The following MED21 variants were observed in gnomAD, a reference collection of about 807,000 sequenced individuals.
MED21 encodes the protein mediator complex subunit 21, also known as mediator of RNA polymerase II transcription subunit 21.
Under a neutral mutation model 18.2 loss-of-function variants are expected in MED21, and 9 were observed. The ratio of observed to expected loss-of-function variants is 0.49; its 90% confidence interval spans 0.30 to 0.86. The LOEUF is 0.86. Ranked by LOEUF, MED21 falls within the 40% of genes least tolerant of loss-of-function variation. The pLI, the probability that MED21 is intolerant of heterozygous loss-of-function variation, is 0.07. For synonymous variants in MED21, 73 were observed against 60.5 expected, an observed-to-expected ratio of 1.21 and a Z score of -0.96; for missense variants, 150 against 170.9, an observed-to-expected ratio of 0.88 and a Z score of 0.68.
At chr12:27,025,428 T>C (rs74072701) in intron 1 of MED21, among the ~76,000 whole-genome samples, 4,119 of 152,262 alleles carry the variant, frequency 0.027, 194 homozygotes, top group African/African-American at 0.095. Flanking sequence ...AAGACAGTGG[T>C]GGAGTAAGCT....
intron 2 of MED21, among the ~76,000 whole-genome samples, chr12:27,026,861 A>G (rs924194376): frequency 2.0e-5 from 3 of 152,258 alleles, no homozygotes; most frequent in Non-Finnish European, 4.4e-5. Flanking sequence ...ATGAAATTAC[A>G]TACATTATGC....
downstream of MED21, among the ~76,000 whole-genome samples, chr12:27,034,627 G>GA (rs2136496503): frequency 6.6e-6 from 1 of 152,156 alleles, no homozygotes; most frequent in African/African-American, 2.4e-5. Flanking sequence ...TTTTAGTAGA[G>GA]ATGGGGTTTT....
chr12:27,022,728 G>A, intron 1 of MED21, 107 bp downstream of exon 1: 1 of 1,595,088 alleles, frequency 6.3e-7, no homozygotes, highest in Non-Finnish European at 8.5e-7. Context: ...CGGACTGAGA[G>A]ACAGGGCTTC....
rs1178214210 is a variant in MED21, at chr12:27,025,019, C to G, written c.43-1401C>G. On this transcript the variant is annotated intron_variant, in intron 1 of 3. Coordinates refer to ENST00000282892, the MANE Select transcript of MED21 (RefSeq NM_004264.5). The stretch of plus-strand genomic sequence containing the variant: ...AAGCTATGTCGCATTCACTATGTCT[C>G]TGTAGTGTTTATATGCAGTACTTTA... 2.6e-5 allele frequency among the ~76,000 whole-genome samples: 4 copies of G among 152,260 alleles called. No individual in the cohort carries two copies. In the East Asian group the frequency reaches 5.8e-4, roughly 22 times the overall value.
downstream of MED21, among the ~76,000 whole-genome samples, chr12:27,031,597 GAGAACAAATTCC>G (rs1489336236): frequency 8.7e-4 from 133 of 152,062 alleles, no homozygotes; most frequent in African/African-American, 3.0e-3. Context: ...AGTCAGATCA[GAGAACAAATTCC>G]AGATTTCCAT....
intron 1 of MED21, among the ~76,000 whole-genome samples, chr12:27,023,303 T>TTTTTC (rs1555110764): frequency 1.4e-5 from 2 of 143,018 alleles, no homozygotes; most frequent in Non-Finnish European, 1.5e-5. Context: ...TTCTTTTCTT[T>TTTTTC]TTTTTTTTTT....
At position 27,030,396 on chromosome 12, in the gene MED21, T is replaced by A; in HGVS notation, c.*1935T>A. 1 of 392,516 alleles carries A rather than the reference T, an allele frequency of 2.5e-6. No individual in the cohort carries two copies. The highest frequency in any genetic ancestry group is 4.5e-6 in the Non-Finnish European group (1 of 222,864). The allele number at this position is 392,516 out of a possible 1,614,324, so 24.3% of individuals were successfully genotyped here. A position where few individuals can be genotyped will look rare whatever the true frequency, so the allele number is the denominator to read the frequency against. ...GATATTAATACTATACAGTAGACTATAAGAAATTAAGTATTTGTATCATCC... is the reference window on the plus strand; with the variant it reads ...GATATTAATACTATACAGTAGACTAAAAGAAATTAAGTATTTGTATCATCC... On this transcript the variant is annotated 3_prime_UTR_variant, in exon 4 of 4. Coordinates refer to ENST00000282892, the MANE Select transcript of MED21 (RefSeq NM_004264.5).
chr12:27,033,019 T>G (rs140431859), downstream of MED21, among the ~76,000 whole-genome samples: 13 of 152,226 alleles, frequency 8.5e-5, 1 homozygote, highest in African/African-American at 3.1e-4. Flanking sequence ...TGTTTATTCC[T>G]CCCTGTAAGA....
At chr12:27,022,806 G>A in intron 1 of MED21, 185 bp downstream of exon 1, 1 of 1,512,528 alleles carries the variant, frequency 6.6e-7, no homozygotes, top group Non-Finnish European at 8.8e-7. Flanking sequence ...GCCGGGCGGT[G>A]CTTGAAGGTG....
chr12:27,037,395 A>T (rs1258433117), intron 2 of MED21: 1 of 151,976 alleles, frequency 6.6e-6, no homozygotes, highest in African/African-American at 2.4e-5. Flanking sequence ...AACAGGGACA[A>T]TTTGACTTCC....
In MED21 at chr12:27,030,523, G is replaced by A. The variant is rs73091125; in HGVS notation, c.*2062G>A. 0.25 allele frequency: 63,279 copies of A among 257,546 alleles called. 9,499 individuals carry two copies. The highest frequency in any genetic ancestry group is 0.33 in the Non-Finnish European group (45,795 of 138,460). 16.0% of individuals were successfully genotyped at this position (257,546 alleles called of 1,614,324 possible). A position where few individuals can be genotyped will look rare whatever the true frequency, so the allele number is the denominator to read the frequency against. On this transcript the variant is annotated 3_prime_UTR_variant, in exon 4 of 4. Coordinates refer to ENST00000282892, the MANE Select transcript of MED21 (RefSeq NM_004264.5). Reference sequence around the variant, plus strand: ...AAAAAGATTCAGGTAACCCAGGAACGAGAAACAGAATAAAACAATAGTAAA... The same window carrying A: ...AAAAAGATTCAGGTAACCCAGGAACAAGAAACAGAATAAAACAATAGTAAA...
rs1385894273 is a variant in MED21 at position 27,029,061 on chromosome 12, C to G, written c.*600C>G. The G allele has an allele frequency of 1.0e-6, 1 of 985,404 alleles. No homozygotes were observed. Among genetic ancestry groups the G allele is most frequent in the Non-Finnish European group, 1.2e-6 (1 of 829,918 alleles). 61.0% of individuals were successfully genotyped at this position (985,404 alleles called of 1,614,324 possible). ...TCCACGTTTATTTTACCAAGAGATC[C>G]TCTGTCAAGAGAATTTCCTGGCTGT... On this transcript the variant is annotated 3_prime_UTR_variant, in exon 4 of 4. Transcript: ENST00000282892.
intron 2 of MED21, chr12:27,038,517 T>C (rs1941662749): frequency 6.6e-6 from 1 of 152,182 alleles, no homozygotes; most frequent in Non-Finnish European, 1.5e-5. Context: ...AAGATTCCAA[T>C]TGGGATTTCT....
At chr12:27,033,765 A>G (rs145108860), downstream of MED21, among the ~76,000 whole-genome samples, 33 of 152,376 alleles carry the variant, frequency 2.2e-4, no homozygotes, top group African/African-American at 7.2e-4. Context: ...AGTCAAAAGA[A>G]GAAATCAGAA....
downstream of MED21, among the ~76,000 whole-genome samples, chr12:27,032,247 C>A (rs528428233): frequency 6.6e-6 from 1 of 152,222 alleles, no homozygotes; most frequent in East Asian, 1.9e-4. Context: ...AAGTTACTAT[C>A]GTAACTGGTC....
Position 27,029,531 on chromosome 12 carries a change from G to A in MED21, c.*1070G>A. 1.0e-6 allele frequency: 1 copy of A among 985,374 alleles called. No individual in the cohort carries two copies. Among genetic ancestry groups the A allele is most frequent in the Non-Finnish European group, 1.2e-6 (1 of 829,924 alleles). 61.0% of individuals were successfully genotyped at this position (985,374 alleles called of 1,614,324 possible). The stretch of plus-strand genomic sequence containing the variant: ...TTGCTGCAATCTGTTGCTATTCAGA[G>A]TTTAAGTTTCAGGAGAAAACAGGAA... On this transcript the variant is annotated 3_prime_UTR_variant, in exon 4 of 4. Coordinates refer to ENST00000282892, the MANE Select transcript of MED21 (RefSeq NM_004264.5).
Position 27,030,188 on chromosome 12 carries a change from A to G in MED21, c.*1727A>G. On this transcript the variant is annotated 3_prime_UTR_variant, in exon 4 of 4. Transcript: ENST00000282892. ...GTCTCTGTCACCCAAGCTGAAGTGC[A>G]GTTCTGTGATCATGGCTCACTGCAG... The G allele has an allele frequency of 1.5e-6, 1 of 651,596 alleles. No individual in the cohort carries two copies. The highest frequency in any genetic ancestry group is 1.7e-5 in the South Asian group (1 of 59,834). 40.4% of individuals were successfully genotyped at this position (651,596 alleles called of 1,614,324 possible).
intron 1 of MED21, among the ~76,000 whole-genome samples, chr12:27,024,293 G>GTT (rs142775396): frequency 0.02 from 3,010 of 150,378 alleles, 98 homozygotes; most frequent in African/African-American, 0.069. Flanking sequence ...TTCCTTGCCA[G>GTT]TTTTTTTTTT....
At position 27,028,229 on chromosome 12, in the gene MED21, C is replaced by G. The variant is rs1333758969; in HGVS notation, c.259-56C>G. On this transcript the variant is annotated intron_variant, in intron 3 of 3. Coordinates refer to ENST00000282892, the MANE Select transcript of MED21 (RefSeq NM_004264.5). ...CATCCAGATTTAAAAATAAGTACAT[C>G]TGTGACAGCTTCTCTTTCTAAACTC... is the stretch of plus-strand genomic sequence containing the variant. The G allele has an allele frequency of 2.0e-6, 3 of 1,487,548 alleles. No homozygotes were observed. In the Admixed American group the frequency reaches 6.1e-5, roughly 30 times the overall value. The allele number at this position is 1,487,548 out of a possible 1,614,324, so 92.1% of individuals were successfully genotyped here. A position where few individuals can be genotyped will look rare whatever the true frequency, so the allele number is the denominator to read the frequency against.
Sources: allele counts gnomAD v4.1 joint callset (sites outside exome capture counted in the v4.1 genomes callset), GRCh38; gene constraint gnomAD v4.1.1; transcripts MANE v1.5; gene names NCBI Gene and HGNC (gene_info 2026-07-23, HGNC 2026-07-21).